NPIPB2: variants seen among roughly 807,000 people sequenced by gnomAD.
NPIPB2 encodes nuclear pore complex-interacting protein family member B2.
A neutral mutation model predicts 30.8 loss-of-function variants in NPIPB2; 27 were observed. The ratio of observed to expected loss-of-function variants is 0.88; its 90% CI spans 0.65 to 1.21. NPIPB2 has a LOEUF of 1.21. Ranked by LOEUF, NPIPB2 falls within the 50% of genes most tolerant of loss-of-function variation. The pLI is 0.00. For synonymous variants in NPIPB2, 147 were observed against 162.0 expected (o/e 0.91, Z 0.70); for missense variants, 440 against 446.2 (o/e 0.99, Z 0.13).
intron 1 of NPIPB2, among the ~76,000 whole-genome samples, chr16:11,960,809 C>T (rs751204296): frequency 1.3e-5 from 2 of 152,052 alleles, no homozygotes; most frequent in Admixed American, 6.6e-5. Context: ...GACTCCACTC[C>T]CTAACTCAGG....
chr16:11,937,835 A>T (rs1423015508), intron 1 of NPIPB2, among the ~76,000 whole-genome samples, 167 bp from the exon 2 acceptor site: 1 of 152,354 alleles, frequency 6.6e-6, no homozygotes, highest in East Asian at 1.9e-4. Context: ...GTTAGAAGTC[A>T]CATGTTTTTC....
upstream of NPIPB2, among the ~76,000 whole-genome samples, chr16:11,944,289 C>T (rs899806251): frequency 2.0e-5 from 3 of 151,110 alleles, no homozygotes; most frequent in Non-Finnish European, 2.9e-5. Flanking sequence ...TGCTTTAAGT[C>T]CCAAGTAGCT....
exon 4 of NPIPB2, chr16:11,933,540 T>A: frequency 6.3e-7 from 1 of 1,597,100 alleles, no homozygotes; most frequent in Non-Finnish European, 8.5e-7. Flanking sequence ...TCTTCCTCTT[T>A]CCATTGATTT....
upstream of NPIPB2, chr16:11,942,134 G>T: frequency 6.5e-7 from 1 of 1,532,292 alleles, no homozygotes; most frequent in South Asian, 1.2e-5. Context: ...AGGAACAAAT[G>T]TACGTACATT....
intron 2 of NPIPB2, among the ~76,000 whole-genome samples, chr16:11,934,320 G>A (rs1317240089): frequency 4.6e-5 from 7 of 150,954 alleles, no homozygotes; most frequent in East Asian, 1.9e-4. Flanking sequence ...TTGGGAGGCC[G>A]AGGCAGGCGG....
At chr16:11,942,863 A>G (rs1391617685), upstream of NPIPB2, among the ~76,000 whole-genome samples, 1 of 151,936 alleles carries the variant, frequency 6.6e-6, no homozygotes, top group African/African-American at 2.4e-5. Context: ...GTGTGCCCAA[A>G]CTCACTCAGG....
At position 11,966,336 on chromosome 16, in the gene NPIPB2, A is replaced by G. The variant is rs1415042034; in HGVS notation, c.-584+10232T>C. On this transcript the variant is annotated intron_variant, in intron 1 of 5. Transcript: ENST00000538896. ...GAACCATTAAAGGACGAGTTTAAAA[A>G]CACAGGTTGGTTTGATGGTGAATCT... 5 of 1,610,938 alleles carry G rather than the reference A, an allele frequency of 3.1e-6. No individual in the cohort carries two copies. The East Asian group carries it at 1.1e-4, about 36-fold the overall frequency.
intron 1 of NPIPB2, among the ~76,000 whole-genome samples, chr16:11,976,099 G>A (rs1471742792): frequency 6.6e-6 from 1 of 151,906 alleles, no homozygotes; most frequent in Non-Finnish European, 1.5e-5. Context: ...CCTCTGGCCT[G>A]CAAGGCCCTC....
intron 1 of NPIPB2, among the ~76,000 whole-genome samples, chr16:11,970,796 A>C (rs773496140): frequency 2.0e-5 from 3 of 151,178 alleles, no homozygotes; most frequent in Non-Finnish European, 2.9e-5. Context: ...GGCCTCCCAA[A>C]GTGCTGGCAT....
intron 1 of NPIPB2, among the ~76,000 whole-genome samples, chr16:11,973,177 A>G (rs2055246485): frequency 6.6e-6 from 1 of 151,862 alleles, no homozygotes; most frequent in Non-Finnish European, 1.5e-5. Flanking sequence ...AAAAAAAAAA[A>G]AAAAAAAGAC....
upstream of NPIPB2, among the ~76,000 whole-genome samples, chr16:11,942,864 C>G (rs2054957770): frequency 6.6e-6 from 1 of 152,162 alleles, no homozygotes; most frequent in Non-Finnish European, 1.5e-5. Context: ...TGTGCCCAAA[C>G]TCACTCAGGC....
chr16:11,951,500 T>G (rs563277320), intron 1 of NPIPB2, among the ~76,000 whole-genome samples: 1 of 146,526 alleles, frequency 6.8e-6, no homozygotes, highest in Non-Finnish European at 1.5e-5. Context: ...AAATTAACAT[T>G]ACTCAGAATT....
chr16:11,972,335 G>C (rs1323581962), intron 1 of NPIPB2, among the ~76,000 whole-genome samples: 1 of 152,210 alleles, frequency 6.6e-6, no homozygotes. Flanking sequence ...CAGCACTATG[G>C]GAGGCCGAGG....
intron 1 of NPIPB2, among the ~76,000 whole-genome samples, chr16:11,959,761 A>G (rs2055140662): frequency 6.6e-6 from 1 of 152,012 alleles, no homozygotes; most frequent in Admixed American, 6.6e-5. Flanking sequence ...TTCAGACACT[A>G]CCTATTTTAT....
At chr16:11,944,138 CA>C (rs2054976123), upstream of NPIPB2, among the ~76,000 whole-genome samples, 1 of 151,048 alleles carries the variant, frequency 6.6e-6, no homozygotes, top group Non-Finnish European at 1.5e-5. Flanking sequence ...AGCAGAACAC[CA>C]GTACTGCCTG....
rs369454127 is a variant in NPIPB2 at position 11,933,332 on chromosome 16, A to T, written c.488+185T>A. 3.1e-4 allele frequency among the ~76,000 whole-genome samples: 47 copies of T among 152,268 alleles called. No individual in the cohort carries two copies. The South Asian group carries it at 9.7e-3, about 32-fold the overall frequency. On this transcript the variant is annotated intron_variant, in intron 4 of 7. Coordinates refer to ENST00000399147, the Ensembl canonical transcript of NPIPB2. ...TCCTCTTCCCCTGAAAAAATGACAA[A>T]CAAGAATGTAGGAAGGGAAAGGAAT...
chr16:11,963,213 C>T (rs1406921362), intron 1 of NPIPB2, among the ~76,000 whole-genome samples: 1 of 152,070 alleles, frequency 6.6e-6, no homozygotes, highest in African/African-American at 2.4e-5. Flanking sequence ...AACCCCGTCT[C>T]TACCAAAAAT....
At chr16:11,958,423 G>A (rs924940225) in intron 1 of NPIPB2, among the ~76,000 whole-genome samples, 18 of 139,350 alleles carry the variant, frequency 1.3e-4, no homozygotes, top group Admixed American at 1.1e-3. Flanking sequence ...GCGAGACTCC[G>A]TTAAAAAAAA....
At chr16:11,975,141 CTTTTTTTTTT>C (rs1195309022) in intron 1 of NPIPB2, among the ~76,000 whole-genome samples, 1 of 37,508 alleles carries the variant, frequency 2.7e-5, no homozygotes, top group Non-Finnish European at 4.3e-5. Context: ...AATCCATCAC[CTTTTTTTTTT>C]TTTTTTTTTT....
Sources: gnomAD v4.1 joint callset for allele counts (sites outside exome capture counted in the v4.1 genomes callset) on GRCh38, gnomAD v4.1.1 for gene constraint, MANE v1.5 for transcripts, NCBI Gene and HGNC (gene_info 2026-07-23, HGNC 2026-07-21) for gene names.